Variants in SP100 observed in about 807,000 individuals in gnomAD.
The protein encoded by SP100 is nuclear autoantigen Sp-100.
Under a neutral mutation model 130.0 loss-of-function variants are expected in SP100, and 84 were observed. The ratio of observed to expected loss-of-function variants is 0.65; its 90% CI spans 0.54 to 0.77. The LOEUF is 0.77. SP100 is among the 30% of genes least tolerant of loss of function. The probability of loss-of-function intolerance (pLI) is 0.00; values close to 1 mark genes in which losing one functional copy is unlikely to be tolerated. For synonymous variants in SP100, 331 were observed against 351.7 expected (o/e 0.94, Z 0.66); for missense variants, 978 against 1,052.2 (o/e 0.93, Z 0.97).
At chr2:230,448,668 G>A (rs191795426) in intron 5 of SP100, among the ~76,000 whole-genome samples, 3 of 152,226 alleles carry the variant, frequency 2.0e-5, no homozygotes, top group Admixed American at 6.5e-5. Flanking sequence ...TCATGGAAAA[G>A]CCAATGAGAA....
intron 2 of SP100, among the ~76,000 whole-genome samples, chr2:230,421,120 A>C (rs1366247300): frequency 6.6e-6 from 1 of 152,078 alleles, no homozygotes; most frequent in Non-Finnish European, 1.5e-5. Flanking sequence ...TTTCCTGTGC[A>C]ACATCCTCCC....
At chr2:230,455,851 G>A (rs947515053) in intron 8 of SP100, among the ~76,000 whole-genome samples, 1 of 152,138 alleles carries the variant, frequency 6.6e-6, no homozygotes, top group African/African-American at 2.4e-5. Flanking sequence ...GCTATTTTAA[G>A]CTGATAACAA....
intron 19 of SP100, among the ~76,000 whole-genome samples, chr2:230,499,823 G>T (rs1207614198): frequency 2.0e-5 from 3 of 152,078 alleles, no homozygotes; most frequent in African/African-American, 7.2e-5. Context: ...CAGGGACGGA[G>T]GTCCATCTCC....
At chr2:230,529,888 C>G (rs1201291652) in intron 24 of SP100, among the ~76,000 whole-genome samples, 1 of 152,136 alleles carries the variant, frequency 6.6e-6, no homozygotes, top group Non-Finnish European at 1.5e-5. Flanking sequence ...TGAAGGACCT[C>G]TTCAAGGAGA....
At chr2:230,467,522 A>T (rs994802898) in intron 13 of SP100, among the ~76,000 whole-genome samples, 1 of 152,238 alleles carries the variant, frequency 6.6e-6, no homozygotes, top group Non-Finnish European at 1.5e-5. Flanking sequence ...TTACAGTTCC[A>T]CATGGCTGGG....
intron 2 of SP100, among the ~76,000 whole-genome samples, chr2:230,439,459 C>A (rs959900485): frequency 1.3e-5 from 2 of 152,170 alleles, no homozygotes; most frequent in Non-Finnish European, 2.9e-5. Flanking sequence ...TTGCTTGTGG[C>A]ATCTGTGATT....
chr2:230,471,420 T>C (rs2065258967), intron 15 of SP100, among the ~76,000 whole-genome samples: 1 of 152,198 alleles, frequency 6.6e-6, no homozygotes, highest in Non-Finnish European at 1.5e-5. Flanking sequence ...CTGTCTATAG[T>C]CTATTATTTC....
At chr2:230,510,920 G>A in intron 23 of SP100, 1 of 597,448 alleles carries the variant, frequency 1.7e-6, no homozygotes, top group Non-Finnish European at 3.0e-6. Context: ...CCAGGAAATG[G>A]CACTTGCATT....
chr2:230,480,808 GA>G (rs1483786324), intron 17 of SP100, among the ~76,000 whole-genome samples: 2 of 152,198 alleles, frequency 1.3e-5, no homozygotes, highest in Non-Finnish European at 2.9e-5. Context: ...TTTCTGACTG[GA>G]AGTTGTGGCT....
At position 230,519,800 on chromosome 2, in the gene SP100, A is replaced by G. The variant is rs578093673; in HGVS notation, c.2094+8634A>G. ...TAAAACCAGCTTTTTCCAATTGTGT[A>G]TGGTAATACATCAGCTTAGGCATTT... On this transcript the variant is annotated intron_variant, in intron 24 of 28. Transcript: ENST00000340126. 1.3e-5 allele frequency among the ~76,000 whole-genome samples: 2 copies of G among 152,260 alleles called. 1 individual carries two copies. Among genetic ancestry groups the G allele is most frequent in the South Asian group, 4.1e-4 (2 of 4,828 alleles).
chr2:230,520,773 T>A (rs1171934509), intron 24 of SP100: 2 of 152,194 alleles, frequency 1.3e-5, no homozygotes, highest in African/African-American at 2.4e-5. Flanking sequence ...TTCCAGAGTC[T>A]GTTACAAGTT....
At chr2:230,476,478 C>T (rs1034846079) in intron 17 of SP100, among the ~76,000 whole-genome samples, 2 of 151,996 alleles carry the variant, frequency 1.3e-5, no homozygotes, top group African/African-American at 4.8e-5. Flanking sequence ...TTTAAAGTAG[C>T]CATTTATTTT....
intron 17 of SP100, among the ~76,000 whole-genome samples, chr2:230,475,609 G>A (rs544088370): frequency 6.6e-6 from 1 of 152,156 alleles, no homozygotes; most frequent in Admixed American, 6.5e-5. Flanking sequence ...TAAATTCTTT[G>A]CCAAAGCCTA....
At chr2:230,468,864 C>G in intron 13 of SP100, 179 bp from the exon 14 acceptor site, 1 of 316,040 alleles carries the variant, frequency 3.2e-6, no homozygotes, top group South Asian at 7.2e-5. Context: ...GCAATTAGGG[C>G]TAAAGGATTG....
chr2:230,433,427 A>G (rs1423262490), intron 2 of SP100, among the ~76,000 whole-genome samples: 1 of 152,120 alleles, frequency 6.6e-6, no homozygotes, highest in Non-Finnish European at 1.5e-5. Context: ...CACAAAGTAT[A>G]AGTCTTCCAA....
intron 24 of SP100, among the ~76,000 whole-genome samples, chr2:230,517,519 T>C: frequency 6.6e-6 from 1 of 152,292 alleles, no homozygotes; most frequent in South Asian, 2.1e-4. Context: ...CCCAGCACTG[T>C]GGGAGGCCAA....
intron 12 of SP100, 107 bp downstream of exon 12, chr2:230,466,461 C>A: frequency 1.5e-6 from 1 of 666,384 alleles, no homozygotes; most frequent in South Asian, 1.9e-5. Context: ...TTGCTATATC[C>A]TTCAAAGTAA....
At position 230,541,903 on chromosome 2, in the gene SP100, G is replaced by T. The variant is rs1478000810; in HGVS notation, c.2415G>T (p.Gly805=). The change falls in exon 28 of 29, where the codon GGG becomes GGT. Residue 805 remains glycine (G), a synonymous_variant. Transcript: ENST00000340126. The part of the protein sequence containing the change: ...FASEPYYNRE[G]SQGPQKPMWL... ...CTTTTACTCAACAGAACAGAGAGGG[G>T]TCTCAGGGCCCACAGAAGCCCATGT... The T allele has an allele frequency of 1.4e-5, 23 of 1,613,908 alleles. No homozygotes were observed. Among genetic ancestry groups the T allele is most frequent in the Non-Finnish European group, 1.9e-5 (22 of 1,179,958 alleles).
chr2:230,445,670 G>A (rs2063679173), intron 4 of SP100, among the ~76,000 whole-genome samples: 1 of 152,136 alleles, frequency 6.6e-6, no homozygotes, highest in Non-Finnish European at 1.5e-5. Context: ...TCAAATACCT[G>A]GGCACAAATT....
Sources: gnomAD v4.1 joint callset for allele counts (sites outside exome capture counted in the v4.1 genomes callset) on GRCh38, gnomAD v4.1.1 for gene constraint, MANE v1.5 for transcripts, NCBI Gene and HGNC (gene_info 2026-07-23, HGNC 2026-07-21) for gene names.